FOSL2: variants seen among roughly 807,000 people sequenced by gnomAD.
FOSL2 encodes fos-related antigen 2.
FOSL2 carries 3 observed loss-of-function variants against 27.7 expected under a neutral mutation model. The ratio of observed to expected loss-of-function variants is 0.11; its 90% CI spans 0.05 to 0.28. FOSL2 has a LOEUF of 0.28. Among genes scored for constraint, FOSL2 ranks in the 10% least tolerant of loss-of-function variants. FOSL2 has a pLI of 1.00. For missense variants in FOSL2, 333 were observed against 445.1 expected, an observed-to-expected ratio of 0.75 and a Z score of 2.27; for synonymous variants, 179 against 190.1, an observed-to-expected ratio of 0.94 and a Z score of 0.48.
At chr2:28,403,374 T>C (rs1041883081) in intron 1 of FOSL2, among the ~76,000 whole-genome samples, 6 of 152,216 alleles carry the variant, frequency 3.9e-5, no homozygotes, top group Non-Finnish European at 8.8e-5. Flanking sequence ...CAGAAACATC[T>C]GTGAACATAG....
chr2:28,393,432 A>C lies in FOSL2; in HGVS notation c.-289A>C. 1 of 376,390 alleles carries C rather than the reference A, an allele frequency of 2.7e-6. No individual in the cohort carries two copies. Among genetic ancestry groups the C allele is most frequent in the Non-Finnish European group, 4.8e-6 (1 of 207,966 alleles). 23.3% of individuals were successfully genotyped at this position (376,390 alleles called of 1,614,324 possible). A position where few individuals can be genotyped will look rare whatever the true frequency, so the allele number is the denominator to read the frequency against. ...GCGGGAGGGCGCGCGCAGGGGAGGG[A>C]CCGAGAGACGCGCCGACTTTTTAGA... On this transcript the variant is annotated 5_prime_UTR_variant, in exon 1 of 4. Coordinates refer to ENST00000264716, the MANE Select transcript of FOSL2 (RefSeq NM_005253.4). The surrounding 1 kb of genome is among the most constrained non-coding windows in gnomAD (Gnocchi z 4.6).
At chr2:28,401,619 A>G (rs1663975443) in intron 1 of FOSL2, among the ~76,000 whole-genome samples, 1 of 152,088 alleles carries the variant, frequency 6.6e-6, no homozygotes, top group South Asian at 2.1e-4. Flanking sequence ...TGGTGCTTCT[A>G]CACACACTCA....
At chr2:28,406,744 CT>C (rs1259963499) in intron 2 of FOSL2, among the ~76,000 whole-genome samples, 1 of 152,258 alleles carries the variant, frequency 6.6e-6, no homozygotes, top group Non-Finnish European at 1.5e-5. Context: ...CAGCCTAGAA[CT>C]TTGGCTGTTC....
Position 28,414,003 on chromosome 2 carries a change from T to A in FOSL2, c.*1555T>A, listed in dbSNP as rs1337121252. On this transcript the variant is annotated 3_prime_UTR_variant, in exon 4 of 4. Coordinates refer to ENST00000264716, the MANE Select transcript of FOSL2 (RefSeq NM_005253.4). ...CCCTGCTGCCCACCCCTCTGAGCCT[T>A]TTCTCCCCAGGGTATGGCTCCTGCT... 7.6e-6 allele frequency: 3 copies of A among 395,466 alleles called. No homozygotes were observed. Among genetic ancestry groups the A allele is most frequent in the Non-Finnish European group, 1.3e-5 (3 of 224,702 alleles). The allele number at this position is 395,466 out of a possible 1,614,324, so 24.5% of individuals were successfully genotyped here.
Position 28,417,277 on chromosome 2 carries a change from G to A in FOSL2, c.*4829G>A, listed in dbSNP as rs534347917. On this transcript the variant is annotated 3_prime_UTR_variant, in exon 4 of 4. Transcript: ENST00000264716. ...GGTTAGCATTTCCACTTTCAGTTGA[G>A]TAGCATTTTGTAGAATAAAATGAAT... 2.0e-5 allele frequency: 3 copies of A among 152,100 alleles called. No homozygotes were observed. Among genetic ancestry groups the A allele is most frequent in the Non-Finnish European group, 4.4e-5 (3 of 68,026 alleles). 9.4% of individuals were successfully genotyped at this position (152,100 alleles called of 1,614,324 possible). A position where few individuals can be genotyped will look rare whatever the true frequency, so the allele number is the denominator to read the frequency against.
intron 1 of FOSL2, among the ~76,000 whole-genome samples, chr2:28,394,192 G>A (rs1259287012): frequency 8.5e-6 from 1 of 116,998 alleles, no homozygotes; most frequent in Non-Finnish European, 1.6e-5. Context: ...GGACAGACAA[G>A]AAAATCTTTG....
Position 28,393,336 on chromosome 2 carries a change from C to A in FOSL2, c.-385C>A. 4.3e-6 allele frequency: 1 copy of A among 234,806 alleles called. No individual in the cohort carries two copies. Among genetic ancestry groups the A allele is most frequent in the Non-Finnish European group, 8.2e-6 (1 of 122,060 alleles). The allele number at this position is 234,806 out of a possible 1,614,324, so 14.5% of individuals were successfully genotyped here. A position where few individuals can be genotyped will look rare whatever the true frequency, so the allele number is the denominator to read the frequency against. ...CTGGCAGGCCAGGCTCGCTGGGCTC[C>A]TAATCTTTTTTTTAATTTCCAATTT... On this transcript the variant is annotated 5_prime_UTR_variant, in exon 1 of 4. Coordinates refer to ENST00000264716, the MANE Select transcript of FOSL2 (RefSeq NM_005253.4). The surrounding 1 kb of genome is among the most constrained non-coding windows in gnomAD (Gnocchi z 4.6).
rs1211746336 is a variant in FOSL2, at chr2:28,399,424, G to T, written c.103-4683G>T. Among the ~76,000 whole-genome samples, 5 of 152,206 alleles carry T rather than the reference G, an allele frequency of 3.3e-5. No homozygotes were observed. The East Asian group carries it at 9.6e-4, about 29-fold the overall frequency. On this transcript the variant is annotated intron_variant, in intron 1 of 3. Transcript: ENST00000264716. ...CAGTTTTCCCAAATCAGCAACTGTT[G>T]TGGGGGGAACTTCTCTGACCTGCTG...
rs774915254 is a variant in FOSL2, at chr2:28,393,698, C to T, written c.-23C>T. On this transcript the variant is annotated 5_prime_UTR_variant, in exon 1 of 4. Transcript: ENST00000264716. The surrounding 1 kb of genome is among the most constrained non-coding windows in gnomAD (Gnocchi z 4.6). ...CGGGGGAAGAAAAACACCCTGTTTC[C>T]TCTCCGGCCCCCACCGCGGATCATG... 4 of 1,566,840 alleles carry T rather than the reference C, an allele frequency of 2.6e-6. No homozygotes were observed. The highest frequency in any genetic ancestry group is 1.7e-5 in the Admixed American group (1 of 57,926).
chr2:28,406,876 C>T (rs1389048568), intron 2 of FOSL2, among the ~76,000 whole-genome samples: 4 of 152,242 alleles, frequency 2.6e-5, no homozygotes, highest in African/African-American at 9.6e-5. Flanking sequence ...TAGGCCTCCT[C>T]TTGGGAGGTT....
At position 28,408,900 on chromosome 2, in the gene FOSL2, G is replaced by T; in HGVS notation, c.462+34G>T. Reference sequence around the variant, plus strand: ...CTCTGCGTAGGGTGGGAGCACCTCTGGGTGGGCTGGAGTGAGAGCCCCGGG... The same window carrying T: ...CTCTGCGTAGGGTGGGAGCACCTCTTGGTGGGCTGGAGTGAGAGCCCCGGG... On this transcript the variant is annotated intron_variant, in intron 3 of 3. Transcript: ENST00000264716. This position sits in a 1 kb window ranked among gnomAD's most constrained non-coding sequence, Gnocchi z 4.1. 6.7e-7 allele frequency: 1 copy of T among 1,503,438 alleles called. No individual in the cohort carries two copies. Among genetic ancestry groups the T allele is most frequent in the East Asian group, 2.4e-5 (1 of 41,318 alleles). 93.1% of individuals were successfully genotyped at this position (1,503,438 alleles called of 1,614,324 possible).
chr2:28,410,191 G>A (rs1458454366), intron 3 of FOSL2, among the ~76,000 whole-genome samples: 3 of 152,214 alleles, frequency 2.0e-5, no homozygotes, highest in Non-Finnish European at 4.4e-5. Context: ...AGGTGTTAGA[G>A]CCGGGGAGGA....
Position 28,393,091 on chromosome 2 carries a change from A to G in FOSL2, c.-630A>G. On this transcript the variant is annotated 5_prime_UTR_variant, in exon 1 of 4. Coordinates refer to ENST00000264716, the MANE Select transcript of FOSL2 (RefSeq NM_005253.4). The surrounding 1 kb of genome is among the most constrained non-coding windows in gnomAD (Gnocchi z 4.6). The stretch of plus-strand genomic sequence containing the variant: ...TCAGCGCCAGCTCTACTTGAGCCCC[A>G]CGAGCCGCTGTCCCCCTGGCGCGCT... The G allele has an allele frequency of 4.8e-6, 2 of 419,160 alleles. No individual in the cohort carries two copies. Among genetic ancestry groups the G allele is most frequent in the South Asian group, 3.5e-5 (1 of 28,798 alleles). 26.0% of individuals were successfully genotyped at this position (419,160 alleles called of 1,614,324 possible).
intron 1 of FOSL2, among the ~76,000 whole-genome samples, chr2:28,398,689 G>C (rs541083288): frequency 6.6e-6 from 1 of 152,244 alleles, no homozygotes. Flanking sequence ...CCAGGAAAGC[G>C]TGGAGGCTGA....
intron 1 of FOSL2, among the ~76,000 whole-genome samples, chr2:28,394,104 C>T (rs912507311): frequency 2.0e-5 from 3 of 149,700 alleles, no homozygotes; most frequent in Non-Finnish European, 4.4e-5. Context: ...CCTGTTACCT[C>T]CTTCCAAGAA....
At chr2:28,401,546 T>A (rs1397606774) in intron 1 of FOSL2, among the ~76,000 whole-genome samples, 2 of 152,032 alleles carry the variant, frequency 1.3e-5, no homozygotes, top group African/African-American at 4.8e-5. Flanking sequence ...TGACCCCGAG[T>A]GCAGTGTTGA....
chr2:28,404,042 A>G lies in FOSL2; in HGVS notation c.103-65A>G, dbSNP rs1274268121. 1.9e-6 allele frequency: 3 copies of G among 1,580,900 alleles called. No individual in the cohort carries two copies. The highest frequency in any genetic ancestry group is 2.6e-6 in the Non-Finnish European group (3 of 1,157,572). The stretch of plus-strand genomic sequence containing the variant: ...GTTTTTGCCTCAGCTCTGTTCAATT[A>G]TTATTAACTATCCTGTTCAGCTTAG... On this transcript the variant is annotated intron_variant, in intron 1 of 3. Coordinates refer to ENST00000264716, the MANE Select transcript of FOSL2 (RefSeq NM_005253.4). This position sits in a 1 kb window ranked among gnomAD's most constrained non-coding sequence, Gnocchi z 4.7.
At position 28,412,164 on chromosome 2, in the gene FOSL2, T is replaced by C; in HGVS notation, c.697T>C (p.Ser233Pro). Residue 233 changes from serine (S) to proline (P), a missense_variant, in exon 4 of 4, where the codon TCC becomes CCC. Around this residue, in one of 4 missense-constraint regions of FOSL2, gnomAD observed 136 missense variants for 123.7 expected, o/e 1.10. Coordinates refer to ENST00000264716, the MANE Select transcript of FOSL2 (RefSeq NM_005253.4). This position sits in a 1 kb window ranked among gnomAD's most constrained non-coding sequence, Gnocchi z 7.1. ...GCCCCTGGAAGAGGACAGCCCCTCG[T>C]CCTCGTCGGCGGGGCTGGACAAGGC... ...QEPLEEDSPSSSSAGLDKAQR... is the reference protein window; with the variant it reads ...QEPLEEDSPSPSSAGLDKAQR... 1 of 1,608,286 alleles carries C rather than the reference T, an allele frequency of 6.2e-7. No homozygotes were observed. The highest frequency in any genetic ancestry group is 8.5e-7 in the Non-Finnish European group (1 of 1,176,438).
rs1404108701 is a variant in FOSL2, at chr2:28,412,532, GC to G, written c.*86del. On this transcript the variant is annotated 3_prime_UTR_variant, in exon 4 of 4. Coordinates refer to ENST00000264716, the MANE Select transcript of FOSL2 (RefSeq NM_005253.4). The surrounding 1 kb of genome is among the most constrained non-coding windows in gnomAD (Gnocchi z 7.1). ...GACCAGCACCTTCAAGCGCTCCAGG[GC>G]CGTGAGGGCAAGAGGGGGACCTGCC... is the stretch of plus-strand genomic sequence containing the variant. 2.1e-5 allele frequency: 31 copies of G among 1,496,146 alleles called. 1 individual carries two copies. In the Admixed American group the frequency reaches 5.9e-4, roughly 28 times the overall value. 92.7% of individuals were successfully genotyped at this position (1,496,146 alleles called of 1,614,324 possible).
Sources: allele counts gnomAD v4.1 joint callset (sites outside exome capture counted in the v4.1 genomes callset), GRCh38; gene constraint gnomAD v4.1.1; regional missense constraint gnomAD v4.1.1; non-coding constraint Gnocchi (gnomAD v3.1); transcripts MANE v1.5; gene names NCBI Gene and HGNC (gene_info 2026-07-23, HGNC 2026-07-21).